ZNF704: variants seen among roughly 807,000 people sequenced by gnomAD.
ZNF704 encodes glucocorticoid induced gene 1.
A neutral mutation model predicts 44.7 loss-of-function variants in ZNF704; 10 were observed. That is an observed-to-expected ratio of 0.22 (90% CI 0.14 to 0.38). The LOEUF is 0.38. ZNF704 is among the 10% of genes least tolerant of loss of function. The pLI is 1.00. For synonymous variants in ZNF704, 211 were observed against 207.6 expected (o/e 1.02, Z -0.14); for missense variants, 390 against 545.5 (o/e 0.71, Z 2.84).
intron 3 of ZNF704, 138 bp downstream of exon 3, chr8:80,692,866 T>C (rs1818662591): frequency 1.3e-6 from 1 of 746,838 alleles, no homozygotes; most frequent in South Asian, 1.8e-5. Flanking sequence ...CCTCGACTTC[T>C]TCCACGTTTC....
chr8:80,671,186 G>A (rs561024995), intron 4 of ZNF704, among the ~76,000 whole-genome samples: 10 of 152,164 alleles, frequency 6.6e-5, no homozygotes, highest in Admixed American at 2.6e-4. Flanking sequence ...GGAGTGCAGC[G>A]GCACAATCTT....
intron 7 of ZNF704, among the ~76,000 whole-genome samples, chr8:80,654,848 C>T (rs902333592): frequency 9.2e-5 from 14 of 152,152 alleles, no homozygotes; most frequent in African/African-American, 3.4e-4. Context: ...TGGGTATATA[C>T]CCAAAGGAGT....
At chr8:80,664,209 G>A (rs1359339757) in intron 6 of ZNF704, among the ~76,000 whole-genome samples, 2 of 149,372 alleles carry the variant, frequency 1.3e-5, no homozygotes, top group East Asian at 2.0e-4. Context: ...CAATTCTCCC[G>A]CCTCAGCCTC....
intron 2 of ZNF704, among the ~76,000 whole-genome samples, chr8:80,755,170 A>C (rs1563542218): frequency 6.6e-6 from 1 of 152,158 alleles, no homozygotes; most frequent in African/African-American, 2.4e-5. Flanking sequence ...TAAAACACTT[A>C]AAAAGAAAAA....
intron 2 of ZNF704, among the ~76,000 whole-genome samples, chr8:80,802,815 C>T (rs2129800958): frequency 6.6e-6 from 1 of 152,254 alleles, no homozygotes; most frequent in East Asian, 1.9e-4. Flanking sequence ...TCCTGTTCAA[C>T]ACGGTATTGG....
chr8:80,884,000 A>G, the ZNF704 span, among the ~76,000 whole-genome samples: 1 of 152,368 alleles, frequency 6.6e-6, no homozygotes, highest in South Asian at 2.1e-4. Flanking sequence ...CTTGAAAGCC[A>G]TAAAATAGAA....
intron 1 of ZNF704, among the ~76,000 whole-genome samples, chr8:80,847,792 T>C (rs763448386): frequency 6.6e-6 from 1 of 152,182 alleles, no homozygotes; most frequent in Non-Finnish European, 1.5e-5. Context: ...AAACCTCACA[T>C]GTTCTACAAA....
chr8:80,825,125 C>T (rs1229161756), intron 1 of ZNF704, among the ~76,000 whole-genome samples: 1 of 152,180 alleles, frequency 6.6e-6, no homozygotes, highest in Non-Finnish European at 1.5e-5. Context: ...AGGACACAGA[C>T]TGGCAAATTG....
chr8:80,688,037 C>T (rs1460017093), intron 3 of ZNF704, among the ~76,000 whole-genome samples: 1 of 152,006 alleles, frequency 6.6e-6, no homozygotes, highest in Non-Finnish European at 1.5e-5. Flanking sequence ...GAGACCCTGT[C>T]TGTACAGAAA....
intron 4 of ZNF704, among the ~76,000 whole-genome samples, chr8:80,686,213 C>T (rs1818531845): frequency 6.6e-6 from 1 of 152,164 alleles, no homozygotes; most frequent in African/African-American, 2.4e-5. Context: ...TTCTAACCTG[C>T]CTGACAGGGG....
chr8:80,792,857 T>C (rs1390689651), intron 2 of ZNF704, among the ~76,000 whole-genome samples: 1 of 152,208 alleles, frequency 6.6e-6, no homozygotes, highest in African/African-American at 2.4e-5. Context: ...CAGATAGCCC[T>C]GGCCAACACT....
intron 2 of ZNF704, among the ~76,000 whole-genome samples, chr8:80,813,183 A>G (rs1214209120): frequency 6.6e-6 from 1 of 152,166 alleles, no homozygotes; most frequent in Admixed American, 6.5e-5. Flanking sequence ...ACTTTTCTCC[A>G]TTTTGCTGCC....
intron 2 of ZNF704, among the ~76,000 whole-genome samples, chr8:80,763,596 G>A (rs1005931327): frequency 1.3e-5 from 2 of 152,308 alleles, no homozygotes; most frequent in East Asian, 3.9e-4. Flanking sequence ...AGGCCTCTGG[G>A]CCTGTGATGA....
intron 1 of ZNF704, among the ~76,000 whole-genome samples, chr8:80,867,822 T>G (rs1027252460): frequency 1.3e-5 from 2 of 152,220 alleles, no homozygotes; most frequent in African/African-American, 4.8e-5. Context: ...CAGATTCCAT[T>G]CAATTAATAT....
At chr8:80,853,377 C>T (rs1331510043) in intron 1 of ZNF704, among the ~76,000 whole-genome samples, 1 of 152,146 alleles carries the variant, frequency 6.6e-6, no homozygotes, top group African/African-American at 2.4e-5. Context: ...TTAAAAACAA[C>T]AATCTATGAA....
At chr8:80,663,569 C>G (rs1818135960) in intron 6 of ZNF704, among the ~76,000 whole-genome samples, 1 of 152,004 alleles carries the variant, frequency 6.6e-6, no homozygotes, top group Admixed American at 6.6e-5. Context: ...ATTTTCATTT[C>G]TAACAAGTTC....
intron 7 of ZNF704, among the ~76,000 whole-genome samples, chr8:80,648,516 G>A (rs947906789): frequency 2.0e-5 from 3 of 152,192 alleles, no homozygotes; most frequent in South Asian, 2.1e-4. Flanking sequence ...CAGTGCTTGC[G>A]AATGTGAAAG....
chr8:80,799,932 C>A (rs1300259764), intron 2 of ZNF704, among the ~76,000 whole-genome samples: 4 of 151,988 alleles, frequency 2.6e-5, no homozygotes, highest in Non-Finnish European at 5.9e-5. Context: ...AAAAACAATA[C>A]AGGAGCTGAT....
At position 80,687,386 on chromosome 8, in the gene ZNF704, C is replaced by G; in HGVS notation, c.398G>C (p.Trp133Ser). The G allele has an allele frequency of 6.2e-7, 1 of 1,604,924 alleles. No homozygotes were observed. Among genetic ancestry groups the G allele is most frequent in the East Asian group, 2.2e-5 (1 of 44,812 alleles). Residue 133 changes from tryptophan to serine, a missense_variant, in exon 4 of 9, where the codon TGG becomes TCG. Physicochemically the swap from Trp to Ser is radical, Grantham distance 177. Around this residue, in one of 3 missense-constraint regions of ZNF704, gnomAD observed 305 missense variants for 435.7 expected, o/e 0.70. Transcript: ENST00000327835. ...SSTSSSGYWS[W>S]SAPSDQSNPS... ...GTTGGACTGGTCGCTGGGGGCGCTC[C>G]AGCTCCAGTAGCCGCTGCTGCTGGT...
Sources: gnomAD v4.1 joint callset for allele counts (sites outside exome capture counted in the v4.1 genomes callset) on GRCh38, gnomAD v4.1.1 for gene constraint, gnomAD v4.1.1 regional missense constraint, MANE v1.5 for transcripts, NCBI Gene and HGNC (gene_info 2026-07-23, HGNC 2026-07-21) for gene names.